The following RALGPS1 variants were observed in gnomAD, a reference collection of about 807,000 sequenced individuals.
RALGPS1 encodes ras-specific guanine nucleotide-releasing factor RalGPS1.
In RALGPS1, 19 loss-of-function variants were observed where a neutral mutation model predicts 78.8. The observed-to-expected ratio is 0.24, with a 90% CI of 0.17 to 0.35. The LOEUF (loss-of-function observed/expected upper bound fraction) is 0.35. Among genes scored for constraint, RALGPS1 ranks in the 10% least tolerant of loss-of-function variants. The probability of loss-of-function intolerance (pLI) is 1.00; values close to 1 mark genes in which losing one functional copy is unlikely to be tolerated. For synonymous variants in RALGPS1, 228 were observed against 256.3 expected (o/e 0.89, Z 1.06); for missense variants, 454 against 688.3 (o/e 0.66, Z 3.81).
intron 4 of RALGPS1, among the ~76,000 whole-genome samples, chr9:126,997,889 T>C (rs1190527500): frequency 6.6e-6 from 1 of 152,188 alleles, no homozygotes; most frequent in African/African-American, 2.4e-5. Context: ...ATCTGATCTT[T>C]GACAAACCTG....
At chr9:127,093,809 T>C in intron 8 of RALGPS1, 1 of 1,613,644 alleles carries the variant, frequency 6.2e-7, no homozygotes, top group Non-Finnish European at 8.5e-7. Context: ...GCCCCCGGGG[T>C]CGTGTCTCTG....
chr9:127,177,989 G>A (rs540956099), intron 11 of RALGPS1: 90 of 1,541,564 alleles, frequency 5.8e-5, no homozygotes, highest in Non-Finnish European at 7.5e-5. Flanking sequence ...CACATGAAGA[G>A]ACTTTAATGA....
chr9:126,978,822 A>G (rs2040938618), intron 4 of RALGPS1, among the ~76,000 whole-genome samples: 1 of 151,968 alleles, frequency 6.6e-6, no homozygotes, highest in East Asian at 1.9e-4. Context: ...CGTTTACATG[A>G]TCTTTAAGTC....
chr9:126,953,364 C>T (rs1451011007), intron 1 of RALGPS1, among the ~76,000 whole-genome samples: 2 of 150,106 alleles, frequency 1.3e-5, no homozygotes, highest in Non-Finnish European at 3.0e-5. Context: ...TGTGCATGTA[C>T]ACGTGCATGC....
chr9:127,195,308 C>A, intron 12 of RALGPS1, 91 bp downstream of exon 12: 1 of 1,476,552 alleles, frequency 6.8e-7, no homozygotes, highest in Non-Finnish European at 9.2e-7. Context: ...CTGGCTGGGT[C>A]CCTCCCCTGC....
chr9:127,107,834 T>C (rs1453461889), intron 8 of RALGPS1: 1 of 1,411,420 alleles, frequency 7.1e-7, no homozygotes, highest in Non-Finnish European at 9.6e-7. Context: ...CCATGGCTTT[T>C]CCCCATTTGT....
chr9:127,053,846 G>A (rs1018995433), intron 7 of RALGPS1, among the ~76,000 whole-genome samples: 7 of 152,142 alleles, frequency 4.6e-5, no homozygotes, highest in South Asian at 2.1e-4. Flanking sequence ...TCTAGTCCTC[G>A]CAAAGTAGAG....
At chr9:127,013,706 T>C (rs1317286680) in intron 4 of RALGPS1, among the ~76,000 whole-genome samples, 7 of 152,320 alleles carry the variant, frequency 4.6e-5, no homozygotes, top group Non-Finnish European at 8.8e-5. Context: ...GTTTCCCCAG[T>C]GCCTTTGGGT....
rs546685030 is a variant in RALGPS1, at chr9:126,968,376, C to G, written c.165+2425C>G. ...CCAATTTTCTGATAAAGTAAGGATC[C>G]AAGAGATTAATTTTCTACATGGATT... On this transcript the variant is annotated intron_variant, in intron 3 of 18. Coordinates refer to ENST00000259351, the MANE Select transcript of RALGPS1 (RefSeq NM_014636.3). Among the ~76,000 whole-genome samples the G allele has an allele frequency of 1.8e-3, 280 of 152,240 alleles. 4 individuals are homozygous for G. The highest frequency in any genetic ancestry group is 6.4e-3 in the African/African-American group (264 of 41,536).
chr9:127,123,111 G>A (rs1243622947), intron 8 of RALGPS1, among the ~76,000 whole-genome samples: 1 of 152,240 alleles, frequency 6.6e-6, no homozygotes, highest in African/African-American at 2.4e-5. Flanking sequence ...AGGCTGGCGG[G>A]CGGGGCAGCT....
chr9:126,962,913 C>T (rs771071802), intron 2 of RALGPS1, among the ~76,000 whole-genome samples: 9 of 152,204 alleles, frequency 5.9e-5, no homozygotes, highest in Non-Finnish European at 1.2e-4. Flanking sequence ...GCCTGCTCCT[C>T]GGACAGATTG....
At chr9:126,997,680 A>C (rs1291760316) in intron 4 of RALGPS1, among the ~76,000 whole-genome samples, 1 of 152,242 alleles carries the variant, frequency 6.6e-6, no homozygotes, top group Admixed American at 6.5e-5. Context: ...TTAAAAGTTC[A>C]TATGGAACCA....
At chr9:126,983,772 T>G (rs940469465) in intron 4 of RALGPS1, among the ~76,000 whole-genome samples, 9 of 152,364 alleles carry the variant, frequency 5.9e-5, no homozygotes, top group East Asian at 3.9e-4. Flanking sequence ...ATATTCTGCT[T>G]CTTCTTGGTG....
intron 8 of RALGPS1, among the ~76,000 whole-genome samples, chr9:127,158,087 G>A (rs775910154): frequency 1.5e-4 from 23 of 151,938 alleles, no homozygotes; most frequent in Non-Finnish European, 2.9e-4. Flanking sequence ...GTCAGGTTTG[G>A]GTGTAATGGT....
intron 7 of RALGPS1, among the ~76,000 whole-genome samples, chr9:127,056,838 G>A (rs1025844167): frequency 1.3e-5 from 2 of 152,154 alleles, no homozygotes; most frequent in Admixed American, 1.3e-4. Context: ...TTCTTTTGCT[G>A]TTAATTTCTG....
chr9:127,135,826 A>G (rs545026847), intron 8 of RALGPS1, among the ~76,000 whole-genome samples: 2 of 152,356 alleles, frequency 1.3e-5, no homozygotes, highest in African/African-American at 4.8e-5. Flanking sequence ...GGGAAGGGGC[A>G]TGCAAGGAGA....
intron 8 of RALGPS1, among the ~76,000 whole-genome samples, chr9:127,143,482 G>T (rs866106947): frequency 2.7e-4 from 41 of 152,222 alleles, no homozygotes; most frequent in African/African-American, 9.6e-4. Context: ...TTTCTCCATA[G>T]CCCCGTGCTG....
chr9:127,054,747 G>T lies in RALGPS1; in HGVS notation c.483+1808G>T, dbSNP rs2048570869. On this transcript the variant is annotated intron_variant, in intron 7 of 18. Coordinates refer to ENST00000259351, the MANE Select transcript of RALGPS1 (RefSeq NM_014636.3). ...AATCCCAGTACTTTGGGAAGCTGGG[G>T]GTGGGAGGATCGCTTAAGGCCAGGA... is the stretch of plus-strand genomic sequence containing the variant. Among the ~76,000 whole-genome samples, 5 of 152,292 alleles carry T rather than the reference G, an allele frequency of 3.3e-5. 1 individual carries two copies. In the South Asian group the frequency reaches 1.0e-3, roughly 32 times the overall value.
At chr9:127,005,359 A>G (rs1350883574) in intron 4 of RALGPS1, among the ~76,000 whole-genome samples, 1 of 152,242 alleles carries the variant, frequency 6.6e-6, no homozygotes, top group African/African-American at 2.4e-5. Context: ...AGGAATGTCA[A>G]GGCTGTCTGT....
Sources: allele counts gnomAD v4.1 joint callset (sites outside exome capture counted in the v4.1 genomes callset), GRCh38; gene constraint gnomAD v4.1.1; transcripts MANE v1.5; gene names NCBI Gene and HGNC (gene_info 2026-07-23, HGNC 2026-07-21).